EXOC6B: variants seen among roughly 807,000 people sequenced by gnomAD.
EXOC6B encodes the protein exocyst complex component 6B, also known as SEC15 homolog B.
A neutral mutation model predicts 113.5 loss-of-function variants in EXOC6B; 54 were observed. The observed-to-expected ratio is 0.48, with a 90% CI of 0.38 to 0.60. The LOEUF (loss-of-function observed/expected upper bound fraction) is 0.60. Among genes scored for constraint, EXOC6B ranks in the 20% least tolerant of loss-of-function variants. The pLI is 0.00. For synonymous variants in EXOC6B, 357 were observed against 339.0 expected (o/e 1.05, Z -0.58); for missense variants, 797 against 977.5 (o/e 0.82, Z 2.46).
At chr2:72,824,634 C>G (rs1686788889) in intron 1 of EXOC6B, among the ~76,000 whole-genome samples, 1 of 152,086 alleles carries the variant, frequency 6.6e-6, no homozygotes, top group Non-Finnish European at 1.5e-5. Flanking sequence ...TGAGTAATAA[C>G]TTTTCTGATG....
At chr2:72,187,428 A>G (rs2104251571) in intron 20 of EXOC6B, among the ~76,000 whole-genome samples, 1 of 152,168 alleles carries the variant, frequency 6.6e-6, no homozygotes, top group East Asian at 2.0e-4. Context: ...TGAGGTACAC[A>G]GACAAGCAGA....
chr2:72,741,519 G>A, intron 1 of EXOC6B, 50 bp from the exon 2 acceptor site: 1 of 1,515,040 alleles, frequency 6.6e-7, no homozygotes, highest in Non-Finnish European at 8.9e-7. Context: ...TTCTAAGAAG[G>A]AAAAACAAAA....
chr2:72,802,904 G>A (rs1685375324), intron 1 of EXOC6B, among the ~76,000 whole-genome samples: 2 of 152,130 alleles, frequency 1.3e-5, no homozygotes, highest in Non-Finnish European at 2.9e-5. Context: ...AAACTCTGAG[G>A]GTGGAGCCCA....
chr2:72,643,669 C>T (rs1298533399), intron 6 of EXOC6B, among the ~76,000 whole-genome samples: 85 of 145,490 alleles, frequency 5.8e-4, no homozygotes, highest in Non-Finnish European at 9.2e-4. Context: ...TGCTAGATGA[C>T]GAGTTAGTGG....
chr2:72,549,758 A>C (rs1194137237), intron 8 of EXOC6B, among the ~76,000 whole-genome samples: 1 of 152,188 alleles, frequency 6.6e-6, no homozygotes, highest in East Asian at 1.9e-4. Flanking sequence ...CATTCAAGAA[A>C]GGCAAGACAC....
At chr2:72,500,344 C>A (rs1700250975) in intron 11 of EXOC6B, among the ~76,000 whole-genome samples, 1 of 152,028 alleles carries the variant, frequency 6.6e-6, no homozygotes, top group Non-Finnish European at 1.5e-5. Context: ...ATTTGTATTT[C>A]TTTATGTAAA....
intron 19 of EXOC6B, among the ~76,000 whole-genome samples, chr2:72,351,569 AG>A (rs1372815432): frequency 6.6e-6 from 1 of 152,170 alleles, no homozygotes; most frequent in Admixed American, 6.5e-5. Context: ...TTATGTCCTT[AG>A]GACATTTGCA....
At chr2:72,269,566 T>G (rs1684348608) in intron 20 of EXOC6B, among the ~76,000 whole-genome samples, 1 of 152,042 alleles carries the variant, frequency 6.6e-6, no homozygotes, top group South Asian at 2.1e-4. Flanking sequence ...ATTCCAGCAC[T>G]TTGGGAGGCT....
intron 19 of EXOC6B, among the ~76,000 whole-genome samples, chr2:72,336,480 A>T (rs1439642099): frequency 1.3e-5 from 2 of 150,532 alleles, no homozygotes; most frequent in African/African-American, 4.9e-5. Flanking sequence ...ACAAAATGAA[A>T]TTTAAAGCAA....
At chr2:72,224,635 CTCT>C (rs200050338) in intron 20 of EXOC6B, among the ~76,000 whole-genome samples, 8,495 of 151,950 alleles carry the variant, frequency 0.056, 822 homozygotes, top group African/African-American at 0.19. Context: ...ATTATCACTG[CTCT>C]TATTTATTTG....
intron 18 of EXOC6B, among the ~76,000 whole-genome samples, chr2:72,408,162 C>T (rs375317198): frequency 1.6e-4 from 25 of 151,952 alleles, no homozygotes; most frequent in South Asian, 4.1e-4. Flanking sequence ...TTACAAGGGA[C>T]GTGAAGGACC....
intron 18 of EXOC6B, among the ~76,000 whole-genome samples, chr2:72,444,675 A>G (rs1473660334): frequency 6.6e-6 from 1 of 152,210 alleles, no homozygotes; most frequent in Admixed American, 6.5e-5. Flanking sequence ...CTGTCAAGAC[A>G]TGGGGCTTGC....
chr2:72,587,304 TA>T (rs1705653403), intron 6 of EXOC6B, among the ~76,000 whole-genome samples: 1 of 152,140 alleles, frequency 6.6e-6, no homozygotes, highest in Non-Finnish European at 1.5e-5. Context: ...CTAAGCAAAC[TA>T]ATGCAGGAAC....
intron 6 of EXOC6B, among the ~76,000 whole-genome samples, chr2:72,657,831 T>C (rs1573570070): frequency 6.6e-6 from 1 of 151,504 alleles, no homozygotes; most frequent in Non-Finnish European, 1.5e-5. Context: ...ATTTACTTTT[T>C]TTAATGTTCA....
chr2:72,195,587 G>A (rs1679120195), intron 20 of EXOC6B, among the ~76,000 whole-genome samples: 1 of 152,160 alleles, frequency 6.6e-6, no homozygotes, highest in Admixed American at 6.5e-5. Context: ...TTATTGAGTT[G>A]TTAACTAAAC....
In EXOC6B at chr2:72,607,942, G is replaced by T. The variant is rs1484782192; in HGVS notation, c.670-32274C>A. On this transcript the variant is annotated intron_variant, in intron 6 of 21. Transcript: ENST00000272427. ...TTCACAGTAAACAAATGACATTAAA[G>T]AAATTATCAGAAAGGACAAAAAACA... 6.6e-5 allele frequency among the ~76,000 whole-genome samples: 10 copies of T among 152,094 alleles called. No homozygotes were observed. In the East Asian group the frequency reaches 1.7e-3, roughly 26 times the overall value.
intron 1 of EXOC6B, among the ~76,000 whole-genome samples, chr2:72,818,408 G>A (rs934265839): frequency 4.8e-5 from 7 of 144,868 alleles, no homozygotes; most frequent in African/African-American, 1.3e-4. Context: ...TGATCCGCCC[G>A]CCTCGGCCTC....
At chr2:72,608,309 A>G (rs1233329494) in intron 6 of EXOC6B, among the ~76,000 whole-genome samples, 1 of 152,202 alleles carries the variant, frequency 6.6e-6, no homozygotes, top group East Asian at 1.9e-4. Context: ...AATAAGGAAC[A>G]AACAATAAAA....
At chr2:72,321,780 A>T (rs1687860855) in intron 20 of EXOC6B, among the ~76,000 whole-genome samples, 2 of 152,200 alleles carry the variant, frequency 1.3e-5, no homozygotes, top group South Asian at 4.1e-4. Flanking sequence ...TTTCTGATAA[A>T]TGGAAATATT....
Sources: gnomAD v4.1 joint callset for allele counts (sites outside exome capture counted in the v4.1 genomes callset) on GRCh38, gnomAD v4.1.1 for gene constraint, MANE v1.5 for transcripts, NCBI Gene and HGNC (gene_info 2026-07-23, HGNC 2026-07-21) for gene names.